Variants in CEP63 observed in about 807,000 individuals in gnomAD.
The protein encoded by CEP63 is centrosomal protein of 63 kDa.
CEP63 carries 84 observed loss-of-function variants against 89.1 expected under a neutral mutation model. The observed-to-expected ratio is 0.94, with a 90% CI of 0.79 to 1.13. The LOEUF (loss-of-function observed/expected upper bound fraction) is 1.13. CEP63 is among the 50% of genes most tolerant of loss of function. The probability of loss-of-function intolerance (pLI) is 0.00; values close to 1 mark genes in which losing one functional copy is unlikely to be tolerated. For synonymous variants in CEP63, 267 were observed against 272.5 expected (o/e 0.98, Z 0.20); for missense variants, 838 against 813.3 (o/e 1.03, Z -0.37).
At chr3:134,554,462 TTTTC>T in intron 12 of CEP63, among the ~76,000 whole-genome samples, 2 of 145,294 alleles carry the variant, frequency 1.4e-5, no homozygotes, top group Non-Finnish European at 3.0e-5. Context: ...ATGTGCCACA[TTTTC>T]TTAACCCAGT....
chr3:134,605,976 C>T, the CEP63 span, among the ~76,000 whole-genome samples: 4 of 152,214 alleles, frequency 2.6e-5, no homozygotes, highest in Non-Finnish European at 5.9e-5. Context: ...CATGCTTTCT[C>T]TACTGCCTTC....
At chr3:134,779,768 TC>T in the CEP63 span, 8 of 152,178 alleles carry the variant, frequency 5.3e-5, no homozygotes, top group Non-Finnish European at 1.0e-4. Flanking sequence ...TGAGCCAACT[TC>T]AATTTTGCAG....
chr3:134,617,231 A>G, the CEP63 span, among the ~76,000 whole-genome samples: 214 of 152,342 alleles, frequency 1.4e-3, no homozygotes, highest in Non-Finnish European at 2.4e-3. Context: ...CATTTTTCAA[A>G]TTTGTAAAAT....
chr3:134,619,111 G>C, the CEP63 span: 1 of 1,521,712 alleles, frequency 6.6e-7, no homozygotes. Context: ...AGAGGGATGG[G>C]TCCGGTGGTC....
rs989946170 is a variant in CEP63 at position 134,564,645 on chromosome 3, C to T, written c.*3110C>T. 4 of 985,128 alleles carry T rather than the reference C, an allele frequency of 4.1e-6. No homozygotes were observed. In the African/African-American group the frequency reaches 7.0e-5, roughly 17 times the overall value. The allele number at this position is 985,128 out of a possible 1,614,324, so 61.0% of individuals were successfully genotyped here. ...AAACTGAAATAATATCTAATGGGGT[C>T]GAGAAGATTTACTGAAAATATATAT... On this transcript the variant is annotated 3_prime_UTR_variant, in exon 15 of 15. Transcript: ENST00000675561.
At chr3:134,673,013 A>T in the CEP63 span, among the ~76,000 whole-genome samples, 5 of 152,198 alleles carry the variant, frequency 3.3e-5, no homozygotes. Flanking sequence ...CTTAGCATCA[A>T]GCCTGAGCTC....
chr3:134,633,922 G>A, the CEP63 span, among the ~76,000 whole-genome samples: 3 of 152,150 alleles, frequency 2.0e-5, no homozygotes, highest in African/African-American at 7.2e-5. Flanking sequence ...GGTATACAAG[G>A]TTAACATACA....
rs373694817 is a variant in CEP63, at chr3:134,562,078, A to G, written c.*543A>G. The G allele has an allele frequency of 7.2e-5, 72 of 994,256 alleles. No homozygotes were observed. In the East Asian group the frequency reaches 2.8e-3, roughly 38 times the overall value. 61.6% of individuals were successfully genotyped at this position (994,256 alleles called of 1,614,324 possible). A position where few individuals can be genotyped will look rare whatever the true frequency, so the allele number is the denominator to read the frequency against. ...GTAGTGAATAAGGGGGGGGTGTGCTAAAGAACCTTATCAAGCAGTCCTCTC... is the reference window on the plus strand; with the variant it reads ...GTAGTGAATAAGGGGGGGGTGTGCTGAAGAACCTTATCAAGCAGTCCTCTC... On this transcript the variant is annotated 3_prime_UTR_variant, in exon 15 of 15. Transcript: ENST00000675561.
In CEP63 at chr3:134,487,258, G is replaced by A. The variant is rs373177324; in HGVS notation, c.-26+1056G>A. On this transcript the variant is annotated intron_variant, in intron 1 of 14. Transcript: ENST00000675561. ...TATATATTTTCTTATTTGGCATGCA[G>A]TACCATTTTTAGATTGATTTTTATT... Among the ~76,000 whole-genome samples, 54 of 152,320 alleles carry A rather than the reference G, an allele frequency of 3.5e-4. 1 individual carries two copies. The East Asian group carries it at 6.0e-3, about 17-fold the overall frequency.
chr3:134,605,972 T>A, the CEP63 span, among the ~76,000 whole-genome samples: 1 of 152,204 alleles, frequency 6.6e-6, no homozygotes, highest in African/African-American at 2.4e-5. Context: ...TCTACATGCT[T>A]TCTCTACTGC....
the CEP63 span, among the ~76,000 whole-genome samples, chr3:134,631,996 G>A: frequency 6.6e-6 from 1 of 152,050 alleles, no homozygotes; most frequent in African/African-American, 2.4e-5. Context: ...CAGAAAGCTG[G>A]AGTTGCTATG....
the CEP63 span, among the ~76,000 whole-genome samples, chr3:134,782,451 T>C: frequency 4.6e-5 from 7 of 152,204 alleles, no homozygotes; most frequent in Non-Finnish European, 1.0e-4. Flanking sequence ...GCTATTTCAT[T>C]CAAATGGTTC....
At chr3:134,740,055 C>G in the CEP63 span, among the ~76,000 whole-genome samples, 1 of 152,122 alleles carries the variant, frequency 6.6e-6, no homozygotes, top group African/African-American at 2.4e-5. Flanking sequence ...ATTGCTGTCT[C>G]CTGGGCTAGG....
At chr3:134,692,867 A>G in the CEP63 span, among the ~76,000 whole-genome samples, 1 of 152,180 alleles carries the variant, frequency 6.6e-6, no homozygotes, top group Non-Finnish European at 1.5e-5. Context: ...TCTTCTGGGT[A>G]CATACTTTAT....
At chr3:134,535,498 TCC>T (rs371846626) in intron 5 of CEP63, 89,184 of 143,350 alleles carry the variant, frequency 0.62, 28,874 homozygotes, top group East Asian at 0.81. Flanking sequence ...ACCTTTCCTT[TCC>T]TTTTTTTTTT....
the CEP63 span, chr3:134,650,811 C>T: frequency 6.4e-7 from 1 of 1,562,176 alleles, no homozygotes; most frequent in African/African-American, 1.4e-5. Context: ...GGACCCGGGT[C>T]GGGCGCGCGT....
chr3:134,500,155 C>T (rs1248151871), intron 2 of CEP63, among the ~76,000 whole-genome samples: 1 of 152,136 alleles, frequency 6.6e-6, no homozygotes, highest in Non-Finnish European at 1.5e-5. Flanking sequence ...TCTGTGTGTA[C>T]TCAATGTTTA....
chr3:134,517,102 C>G (rs1270327526), intron 3 of CEP63, among the ~76,000 whole-genome samples: 2 of 152,274 alleles, frequency 1.3e-5, no homozygotes, highest in East Asian at 3.9e-4. Flanking sequence ...CTGCTTACTT[C>G]AGTAATATGC....
the CEP63 span, chr3:134,651,462 A>G: frequency 2.0e-6 from 2 of 1,013,604 alleles, no homozygotes; most frequent in African/African-American, 1.7e-5. Flanking sequence ...AGATTCAGGA[A>G]AAGGAAAGAC....
Sources: gnomAD v4.1 joint callset for allele counts (sites outside exome capture counted in the v4.1 genomes callset) on GRCh38, gnomAD v4.1.1 for gene constraint, MANE v1.5 for transcripts, NCBI Gene and HGNC (gene_info 2026-07-23, HGNC 2026-07-21) for gene names.